Variants in DUSP5 observed in about 807,000 individuals in gnomAD.
DUSP5 encodes dual specificity protein phosphatase 5.
In DUSP5, 22 loss-of-function variants were observed where a neutral mutation model predicts 33.6. The ratio of observed to expected loss-of-function variants is 0.66; its 90% CI spans 0.47 to 0.94. The LOEUF (loss-of-function observed/expected upper bound fraction) is 0.94. Among genes scored for constraint, DUSP5 ranks in the 40% least tolerant of loss-of-function variants. DUSP5 has a pLI of 0.00. For synonymous variants in DUSP5, 270 were observed against 231.1 expected, an observed-to-expected ratio of 1.17 and a Z score of -1.53; for missense variants, 551 against 522.1, an observed-to-expected ratio of 1.06 and a Z score of -0.54.
chr10:110,508,188 G>GA (rs1433869114), intron 3 of DUSP5, among the ~76,000 whole-genome samples: 1 of 152,100 alleles, frequency 6.6e-6, no homozygotes, highest in Non-Finnish European at 1.5e-5. Context: ...CTCATCAGAG[G>GA]CAAAAGGCCG....
rs377294017 is a variant in DUSP5 at position 110,507,110 on chromosome 10, C to T, written c.704C>T (p.Thr235Met). Residue 235 changes from threonine to methionine, a missense_variant, in exon 3 of 4, where the codon ACG becomes ATG. Thr to Met is a moderately conservative substitution (Grantham distance 81). This residue lies in a region of DUSP5 where 12 missense variants were observed against 29.9 expected (regional missense o/e 0.40). Transcript: ENST00000369583. The part of the protein sequence containing the change: ...YKWIPVEDSH[T>M]ADISSHFQEA... ...TGGATCCCTGTGGAAGACAGCCACA[C>T]GGCTGACATTAGCTCCCACTTTCAA... 3.1e-6 allele frequency: 5 copies of T among 1,613,990 alleles called. No homozygotes were observed. Among genetic ancestry groups the T allele is most frequent in the South Asian group, 1.1e-5 (1 of 91,092 alleles).
chr10:110,504,177 G>A (rs565481263), intron 2 of DUSP5, among the ~76,000 whole-genome samples: 1 of 152,380 alleles, frequency 6.6e-6, no homozygotes, highest in African/African-American at 2.4e-5. Flanking sequence ...AAGTGAAAGA[G>A]AAATAAGAAT....
chr10:110,501,968 G>C (rs951272413), intron 1 of DUSP5, among the ~76,000 whole-genome samples: 2 of 151,782 alleles, frequency 1.3e-5, no homozygotes, highest in East Asian at 3.9e-4. Context: ...TATTGATTGG[G>C]GGGGGGGTGC....
Position 110,511,513 on chromosome 10 carries a change from T to C in DUSP5, c.*1087T>C, listed in dbSNP as rs1320122501. On this transcript the variant is annotated 3_prime_UTR_variant, in exon 4 of 4. Coordinates refer to ENST00000369583, the MANE Select transcript of DUSP5 (RefSeq NM_004419.4). ...TTGTTGTTGTTCTTGTTTTTTATAGTGTAAAATAAAAATAGTAAAAGGAGA... is the reference window on the plus strand; with the variant it reads ...TTGTTGTTGTTCTTGTTTTTTATAGCGTAAAATAAAAATAGTAAAAGGAGA... 1 of 152,626 alleles carries C rather than the reference T, an allele frequency of 6.6e-6. No individual in the cohort carries two copies. Among genetic ancestry groups the C allele is most frequent in the Non-Finnish European group, 1.5e-5 (1 of 68,038 alleles). The allele number at this position is 152,626 out of a possible 1,614,324, so 9.5% of individuals were successfully genotyped here.
In DUSP5 at chr10:110,498,322, C is replaced by A. The variant is rs753917795; in HGVS notation, c.201C>A (p.Pro67=). The part of the protein sequence containing the change: ...GGAVSARYVL[P]DEAARARLLQ... ...CGGTGTCGGCGCGCTACGTGCTGCC[C>A]GACGAGGCGGCGCGCGCGCGGCTCC... The change falls in exon 1 of 4, where the codon CCC becomes CCA. Residue 67 remains proline (P), a synonymous_variant. Coordinates refer to ENST00000369583, the MANE Select transcript of DUSP5 (RefSeq NM_004419.4). 2.2e-6 allele frequency: 3 copies of A among 1,369,556 alleles called. No individual in the cohort carries two copies. Among genetic ancestry groups the A allele is most frequent in the Admixed American group, 3.4e-5 (1 of 29,392 alleles). 84.8% of individuals were successfully genotyped at this position (1,369,556 alleles called of 1,614,324 possible). A position where few individuals can be genotyped will look rare whatever the true frequency, so the allele number is the denominator to read the frequency against.
chr10:110,502,064 G>T (rs1417733995), intron 1 of DUSP5, among the ~76,000 whole-genome samples: 1 of 152,066 alleles, frequency 6.6e-6, no homozygotes, highest in East Asian at 1.9e-4. Context: ...TGCTCATGAG[G>T]GCTGAGAATT....
intron 1 of DUSP5, among the ~76,000 whole-genome samples, chr10:110,502,493 T>A (rs1024991638): frequency 6.6e-6 from 1 of 152,240 alleles, no homozygotes; most frequent in Non-Finnish European, 1.5e-5. Context: ...AAAAAGTTAA[T>A]CATTGCCTCT....
intron 3 of DUSP5, among the ~76,000 whole-genome samples, chr10:110,509,442 C>T (rs1204042365): frequency 6.6e-6 from 1 of 152,208 alleles, no homozygotes; most frequent in East Asian, 1.9e-4. Flanking sequence ...CTGAGCCAAG[C>T]ATCCTGCCCT....
intron 3 of DUSP5, among the ~76,000 whole-genome samples, chr10:110,507,875 C>T (rs1194111175): frequency 6.6e-6 from 1 of 152,224 alleles, no homozygotes; most frequent in Non-Finnish European, 1.5e-5. Context: ...TTCTCCTCCC[C>T]CATCCATCTT....
chr10:110,502,785 A>G lies in DUSP5; in HGVS notation c.444A>G (p.Gln148=), dbSNP rs1860070582. Residue 148 remains glutamine, a synonymous_variant, in exon 2 of 4, where the codon CAA becomes CAG. Coordinates refer to ENST00000369583, the MANE Select transcript of DUSP5 (RefSeq NM_004419.4). ...GCGTGGATGTAAAACCCATTTCACA[A>G]GAGAAGATTGAGAGTGAGAGAGCCC... ...ECCVDVKPIS[Q]EKIESERALI... is the part of the protein sequence containing the mutation. The G allele has an allele frequency of 2.5e-6, 4 of 1,614,160 alleles. No individual in the cohort carries two copies. Among genetic ancestry groups the G allele is most frequent in the East Asian group, 2.2e-5 (1 of 44,880 alleles).
At position 110,506,924 on chromosome 10, in the gene DUSP5, C is replaced by T. The variant is rs1860125299; in HGVS notation, c.529-11C>T. 1 of 1,613,224 alleles carries T rather than the reference C, an allele frequency of 6.2e-7. No individual in the cohort carries two copies. ...CAATATTTCCTGATTGTCCTTTGTC[C>T]CTGCATCCAGGGTGGCCCAGTTGAA... On this transcript the variant is annotated splice_polypyrimidine_tract_variant and intron_variant, in intron 2 of 3. Transcript: ENST00000369583.
Position 110,498,289 on chromosome 10 carries a change from G to A in DUSP5, c.168G>A (p.Arg56=), listed in dbSNP as rs1590513516. 6.9e-7 allele frequency: 1 copy of A among 1,445,604 alleles called. No individual in the cohort carries two copies. The allele number at this position is 1,445,604 out of a possible 1,614,324, so 89.5% of individuals were successfully genotyped here. Residue 56 remains arginine, a synonymous_variant, in exon 1 of 4, where the codon CGG becomes CGA. Transcript: ENST00000369583. The part of the protein sequence containing the change: ...NLNSVVLRRA[R]GGAVSARYVL... ...ACTCGGTGGTGCTGCGGCGGGCCCG[G>A]GGCGGCGCGGTGTCGGCGCGCTACG...
At chr10:110,499,710 T>C (rs769671834) in intron 1 of DUSP5, among the ~76,000 whole-genome samples, 5 of 152,170 alleles carry the variant, frequency 3.3e-5, no homozygotes, top group Admixed American at 2.6e-4. Context: ...TAATCGTCCT[T>C]CTTCTAACAG....
chr10:110,507,465 C>G (rs1198025009), intron 3 of DUSP5, among the ~76,000 whole-genome samples: 1 of 152,182 alleles, frequency 6.6e-6, no homozygotes, highest in Non-Finnish European at 1.5e-5. Context: ...ATGCTCCACA[C>G]AAGGAAAGCA....
chr10:110,498,436 G>T lies in DUSP5; in HGVS notation c.315G>T (p.Ala105=). The change falls in exon 1 of 4, where the codon GCG becomes GCT. Residue 105 remains alanine (A), a synonymous_variant. Coordinates refer to ENST00000369583, the MANE Select transcript of DUSP5 (RefSeq NM_004419.4). Reference sequence around the variant, plus strand: ...AGAAGCTGCGAGAGGAGAGCGCCGCGCGTGTCGTCCTCACCTCGCTACTCG... The same window carrying T: ...AGAAGCTGCGAGAGGAGAGCGCCGCTCGTGTCGTCCTCACCTCGCTACTCG... ...HWQKLREESA[A]RVVLTSLLAC... is the part of the protein sequence containing the mutation. 1 of 1,536,934 alleles carries T rather than the reference G, an allele frequency of 6.5e-7. No individual in the cohort carries two copies. The highest frequency in any genetic ancestry group is 8.7e-7 in the Non-Finnish European group (1 of 1,150,914).
In DUSP5 at chr10:110,497,951, G is replaced by A. The variant is rs1381015431; in HGVS notation, c.-171G>A. On this transcript the variant is annotated 5_prime_UTR_variant, in exon 1 of 4. Coordinates refer to ENST00000369583, the MANE Select transcript of DUSP5 (RefSeq NM_004419.4). Reference sequence around the variant, plus strand: ...GGCCGGGCTGGCTATCGAGCGAGCGGGGCGGGAACGCGGAGTTGCGCCGCC... The same window carrying A: ...GGCCGGGCTGGCTATCGAGCGAGCGAGGCGGGAACGCGGAGTTGCGCCGCC... 1.3e-5 allele frequency: 5 copies of A among 380,132 alleles called. No homozygotes were observed. The highest frequency in any genetic ancestry group is 1.1e-4 in the African/African-American group (5 of 45,600). 23.5% of individuals were successfully genotyped at this position (380,132 alleles called of 1,614,324 possible).
At chr10:110,498,955 G>A (rs953255243) in intron 1 of DUSP5, among the ~76,000 whole-genome samples, 1 of 152,200 alleles carries the variant, frequency 6.6e-6, no homozygotes, top group Non-Finnish European at 1.5e-5. Flanking sequence ...CGCCTAGCCA[G>A]CTGTGGTCTT....
chr10:110,510,474 T>G lies in DUSP5; in HGVS notation c.*48T>G. 1 of 1,487,186 alleles carries G rather than the reference T, an allele frequency of 6.7e-7. No individual in the cohort carries two copies. Among genetic ancestry groups the G allele is most frequent in the Non-Finnish European group, 9.0e-7 (1 of 1,115,950 alleles). The allele number at this position is 1,487,186 out of a possible 1,614,324, so 92.1% of individuals were successfully genotyped here. A position where few individuals can be genotyped will look rare whatever the true frequency, so the allele number is the denominator to read the frequency against. ...CAGCCCCAAGAGCAACTGTGATTTT[T>G]GTTTTTAAGACTCATGGACATTTCA... On this transcript the variant is annotated 3_prime_UTR_variant, in exon 4 of 4. Transcript: ENST00000369583.
chr10:110,504,804 G>C (rs1860098624), intron 2 of DUSP5, among the ~76,000 whole-genome samples: 1 of 152,220 alleles, frequency 6.6e-6, no homozygotes, highest in South Asian at 2.1e-4. Flanking sequence ...GACAGTGGCA[G>C]CTATGTGACG....
Sources: gnomAD v4.1 joint callset for allele counts (sites outside exome capture counted in the v4.1 genomes callset) on GRCh38, gnomAD v4.1.1 for gene constraint, gnomAD v4.1.1 regional missense constraint, MANE v1.5 for transcripts, NCBI Gene and HGNC (gene_info 2026-07-23, HGNC 2026-07-21) for gene names.